The following CCDC178 variants were observed in gnomAD, a reference collection of about 807,000 sequenced individuals.
CCDC178 encodes coiled-coil domain containing 178.
CCDC178 carries 126 observed loss-of-function variants against 117.4 expected under a neutral mutation model. That is an observed-to-expected ratio of 1.07 (90% CI 0.93 to 1.24). The LOEUF is 1.24. Among genes scored for constraint, CCDC178 ranks in the 50% most tolerant of loss-of-function variants. The probability of loss-of-function intolerance (pLI) is 0.00; values close to 1 mark genes in which losing one functional copy is unlikely to be tolerated. For missense variants in CCDC178, 1,030 were observed against 986.9 expected, an observed-to-expected ratio of 1.04 and a Z score of -0.59; for synonymous variants, 283 against 313.4, an observed-to-expected ratio of 0.90 and a Z score of 1.02.
intron 20 of CCDC178, among the ~76,000 whole-genome samples, chr18:33,171,291 GA>G (rs1372503705): frequency 6.6e-6 from 1 of 152,150 alleles, no homozygotes; most frequent in African/African-American, 2.4e-5. Context: ...CAAACAAACA[GA>G]AGGTGCAGAA....
chr18:33,144,128 A>G (rs1168569248), intron 20 of CCDC178, among the ~76,000 whole-genome samples: 2 of 152,126 alleles, frequency 1.3e-5, no homozygotes, highest in Non-Finnish European at 2.9e-5. Context: ...ATTCAATAAG[A>G]TAGAGGATTC....
intron 20 of CCDC178, among the ~76,000 whole-genome samples, chr18:33,179,299 T>G (rs770355613): frequency 1.3e-5 from 2 of 150,728 alleles, no homozygotes; most frequent in Non-Finnish European, 3.0e-5. Flanking sequence ...AGCATAAAAA[T>G]TTATCCAAAT....
chr18:33,348,094 T>A (rs1190588834), intron 8 of CCDC178, among the ~76,000 whole-genome samples: 1 of 151,994 alleles, frequency 6.6e-6, no homozygotes, highest in African/African-American at 2.4e-5. Context: ...TGTGAAAACT[T>A]GATAAGTAAT....
At chr18:33,177,695 G>A (rs1416403994) in intron 20 of CCDC178, among the ~76,000 whole-genome samples, 1 of 151,988 alleles carries the variant, frequency 6.6e-6, no homozygotes. Context: ...TAATGAATTT[G>A]TCTACCTTTC....
intron 5 of CCDC178, among the ~76,000 whole-genome samples, chr18:33,371,784 T>TACACACACAC (rs146013235): frequency 0.027 from 3,842 of 144,252 alleles, 61 homozygotes; most frequent in Middle Eastern, 0.042. Context: ...TAAACATATA[T>TACACACACAC]ACACACACAC....
At chr18:33,000,727 T>C (rs2055613726) in intron 21 of CCDC178, among the ~76,000 whole-genome samples, 2 of 152,146 alleles carry the variant, frequency 1.3e-5, no homozygotes, top group Non-Finnish European at 1.5e-5. Context: ...CCAGTGAAAA[T>C]ATCTTTAAAT....
chr18:33,154,012 T>A (rs1568021436), intron 20 of CCDC178, among the ~76,000 whole-genome samples: 2 of 152,142 alleles, frequency 1.3e-5, no homozygotes, highest in Non-Finnish European at 2.9e-5. Flanking sequence ...TAAAATATTT[T>A]AAAAATTTTG....
At chr18:33,306,580 TTATATATATGGTTATATATGGTTTTTTA>T (rs1303258581) in intron 11 of CCDC178, among the ~76,000 whole-genome samples, 1 of 147,890 alleles carries the variant, frequency 6.8e-6, no homozygotes, top group Non-Finnish European at 1.5e-5. Context: ...TAATATATGG[TTATATATATGGTTATATATGGTTTTTTA>T]TATATATATG....
intron 12 of CCDC178, among the ~76,000 whole-genome samples, chr18:33,268,231 TA>T (rs1217293073): frequency 2.0e-5 from 3 of 151,994 alleles, no homozygotes; most frequent in African/African-American, 7.2e-5. Flanking sequence ...TACCAGATAC[TA>T]AAACATCCTA....
chr18:32,987,364 T>C (rs2055284637), intron 21 of CCDC178, among the ~76,000 whole-genome samples: 1 of 151,968 alleles, frequency 6.6e-6, no homozygotes, highest in African/African-American at 2.4e-5. Context: ...AAAAGAGACC[T>C]TAAGACAAAT....
At chr18:33,103,503 A>G (rs1300637651) in intron 20 of CCDC178, among the ~76,000 whole-genome samples, 2 of 151,512 alleles carry the variant, frequency 1.3e-5, no homozygotes, top group Non-Finnish European at 3.0e-5. Flanking sequence ...GTTAGAAAGC[A>G]TTTTTATTTT....
intron 20 of CCDC178, among the ~76,000 whole-genome samples, chr18:33,207,986 C>A (rs536778444): frequency 6.6e-6 from 1 of 151,902 alleles, no homozygotes; most frequent in African/African-American, 2.4e-5. Flanking sequence ...AGCACCGGAT[C>A]TGCGCAAAAA....
At chr18:33,076,394 C>T (rs1243967606) in intron 21 of CCDC178, among the ~76,000 whole-genome samples, 3 of 152,210 alleles carry the variant, frequency 2.0e-5, no homozygotes, top group Admixed American at 6.5e-5. Context: ...CTTCAGCCCA[C>T]ATGCTTCCAA....
intron 15 of CCDC178, among the ~76,000 whole-genome samples, chr18:33,229,435 T>G (rs1047646090): frequency 2.0e-5 from 3 of 152,204 alleles, no homozygotes; most frequent in African/African-American, 7.2e-5. Flanking sequence ...TTTGTACTAC[T>G]CCTAGTAATG....
chr18:33,267,214 A>G lies in CCDC178; in HGVS notation c.1260T>C (p.Asp420=). 6.3e-7 allele frequency: 1 copy of G among 1,596,706 alleles called. No individual in the cohort carries two copies. The highest frequency in any genetic ancestry group is 8.5e-7 in the Non-Finnish European group (1 of 1,174,958). ...HENQYLEAVN[D]FYAAKKTWDI... is the part of the protein sequence containing the mutation. ...AAAATCAACTTACTGCAGCATAAAA[A>G]TCATTAACTGCTTCCAGATACTGAT... Residue 420 remains aspartate, a synonymous_variant, in exon 13 of 23, where the codon GAT becomes GAC. Transcript: ENST00000383096.
intron 20 of CCDC178, among the ~76,000 whole-genome samples, chr18:33,194,717 A>C (rs1436544812): frequency 6.6e-6 from 1 of 151,730 alleles, no homozygotes; most frequent in Non-Finnish European, 1.5e-5. Context: ...GATCTTCTTG[A>C]CTCATTTCTC....
intron 2 of CCDC178, among the ~76,000 whole-genome samples, chr18:33,418,379 T>C (rs1022084862): frequency 2.6e-5 from 4 of 151,940 alleles, no homozygotes; most frequent in African/African-American, 7.3e-5. Context: ...CCCACAGCCA[T>C]CATCATACTG....
intron 2 of CCDC178, among the ~76,000 whole-genome samples, chr18:33,419,102 A>G (rs935185884): frequency 1.3e-5 from 2 of 152,206 alleles, no homozygotes; most frequent in African/African-American, 4.8e-5. Context: ...ACATAGACCA[A>G]TGAAACAGAA....
chr18:33,179,108 T>TAA (rs1568037061), intron 20 of CCDC178, among the ~76,000 whole-genome samples: 1 of 93,004 alleles, frequency 1.1e-5, no homozygotes, highest in African/African-American at 5.3e-5. Flanking sequence ...TATATATATA[T>TAA]AAACTATATA....
Sources: gnomAD v4.1 joint callset for allele counts (sites outside exome capture counted in the v4.1 genomes callset) on GRCh38, gnomAD v4.1.1 for gene constraint, MANE v1.5 for transcripts, NCBI Gene and HGNC (gene_info 2026-07-23, HGNC 2026-07-21) for gene names.